TOPBP1: variants seen among roughly 807,000 people sequenced by gnomAD.
The protein encoded by TOPBP1 is DNA topoisomerase 2-binding protein 1.
In TOPBP1, 28 loss-of-function variants were observed where a neutral mutation model predicts 167.7. The observed-to-expected ratio is 0.17, with a 90% confidence interval of 0.12 to 0.23. TOPBP1 has a LOEUF of 0.23. TOPBP1 is among the 10% of genes least tolerant of loss of function. The probability of loss-of-function intolerance (pLI) is 1.00; values close to 1 mark genes in which losing one functional copy is unlikely to be tolerated. For synonymous variants in TOPBP1, 598 were observed against 611.4 expected, an observed-to-expected ratio of 0.98 and a Z score of 0.32; for missense variants, 1,554 against 1,809.6, an observed-to-expected ratio of 0.86 and a Z score of 2.56.
At chr3:133,602,214 C>G (rs892072070) in intron 27 of TOPBP1, among the ~76,000 whole-genome samples, 6 of 152,128 alleles carry the variant, frequency 3.9e-5, no homozygotes, top group Admixed American at 3.9e-4. Context: ...TCACTGATTT[C>G]TCAACAGAAA....
At chr3:133,631,626 T>C (rs1236931701) in intron 14 of TOPBP1, among the ~76,000 whole-genome samples, 1 of 152,124 alleles carries the variant, frequency 6.6e-6, no homozygotes, top group Non-Finnish European at 1.5e-5. Context: ...CCCCTTGCTG[T>C]TCTTGTGATA....
At chr3:133,637,296 T>C (rs763113523) in intron 14 of TOPBP1, among the ~76,000 whole-genome samples, 2 of 152,100 alleles carry the variant, frequency 1.3e-5, no homozygotes, top group Non-Finnish European at 2.9e-5. Flanking sequence ...AGAAAATTAT[T>C]TGGAAGATTA....
chr3:133,620,157 C>G lies in TOPBP1; in HGVS notation c.3369G>C (p.Leu1123=), dbSNP rs2107782994. 1 of 1,611,406 alleles carries G rather than the reference C, an allele frequency of 6.2e-7. No homozygotes were observed. The highest frequency in any genetic ancestry group is 8.5e-7 in the Non-Finnish European group (1 of 1,178,678). ...RSGRSRVLEA[L]RQSRQTVPDV... is the part of the protein sequence containing the mutation. ...TGCCATCAGTGACAGGTACACACCTCAGTGCCTCTAGGACTCTACTTCGTC... is the reference window on the plus strand; with the variant it reads ...TGCCATCAGTGACAGGTACACACCTGAGTGCCTCTAGGACTCTACTTCGTC... The change falls in exon 20 of 28, where the codon CTG becomes CTC. Residue 1123 remains leucine (L), a splice_region_variant and synonymous_variant. Coordinates refer to ENST00000260810, the MANE Select transcript of TOPBP1 (RefSeq NM_007027.4).
In TOPBP1 at chr3:133,617,186, G is replaced by T. The variant is rs201221333; in HGVS notation, c.3733C>A (p.Pro1245Thr). Reference protein sequence around the residue: ...PSIAFPLANPPVAPHPREKII... With the variant: ...PSIAFPLANPTVAPHPREKII... ...TTTTCTCTAGGGTGCGGAGCCACAG[G>T]GGGGTTGGCGAGTGGAAAGGCAATA... The change falls in exon 22 of 28, where the codon CCT (proline) becomes ACT (threonine). Residue 1245 changes from proline to threonine, a missense_variant. This residue lies in a region of TOPBP1 where 351 missense variants were observed against 432.9 expected (regional missense o/e 0.81). Transcript: ENST00000260810. 10 of 1,613,060 alleles carry T rather than the reference G, an allele frequency of 6.2e-6. No individual in the cohort carries two copies. Among genetic ancestry groups the T allele is most frequent in the African/African-American group, 4.0e-5 (3 of 74,844 alleles).
At chr3:133,608,125 A>G (rs1934550891) in intron 27 of TOPBP1, among the ~76,000 whole-genome samples, 1 of 152,182 alleles carries the variant, frequency 6.6e-6, no homozygotes, top group Non-Finnish European at 1.5e-5. Flanking sequence ...TAAGCCCACC[A>G]TATAGCAAAT....
At chr3:133,651,171 CTTTTTTTTTTTT>C (rs1176625452) in intron 8 of TOPBP1, among the ~76,000 whole-genome samples, 2 of 82,118 alleles carry the variant, frequency 2.4e-5, no homozygotes, top group African/African-American at 9.6e-5. Context: ...CCGAATTTCC[CTTTTTTTTTTTT>C]TTTTTTTTTT....
intron 7 of TOPBP1, 106 bp from the exon 8 acceptor site, chr3:133,652,735 C>A: frequency 2.2e-6 from 2 of 929,282 alleles, no homozygotes; most frequent in Non-Finnish European, 3.2e-6. Context: ...AAACAACTTC[C>A]AAAGTAAGAT....
At chr3:133,634,510 T>C (rs1935600323) in intron 14 of TOPBP1, among the ~76,000 whole-genome samples, 1 of 151,936 alleles carries the variant, frequency 6.6e-6, no homozygotes, top group Non-Finnish European at 1.5e-5. Flanking sequence ...AGCGAGACTC[T>C]GTCTTAAAAA....
chr3:133,629,847 C>T (rs1262392922), intron 14 of TOPBP1, among the ~76,000 whole-genome samples: 3 of 152,138 alleles, frequency 2.0e-5, no homozygotes, highest in Middle Eastern at 6.8e-3. Context: ...AGTACAATGG[C>T]GCGATCTCGG....
At chr3:133,658,250 T>C (rs1379487769) in intron 3 of TOPBP1, among the ~76,000 whole-genome samples, 1 of 152,162 alleles carries the variant, frequency 6.6e-6, no homozygotes, top group Non-Finnish European at 1.5e-5. Flanking sequence ...GTGGATCACC[T>C]GAGGTCAGGA....
intron 8 of TOPBP1, among the ~76,000 whole-genome samples, chr3:133,651,600 A>G (rs924241383): frequency 1.3e-5 from 2 of 152,232 alleles, no homozygotes; most frequent in African/African-American, 4.8e-5. Context: ...TTCCAATCTA[A>G]GACAGCGGAA....
intron 27 of TOPBP1, among the ~76,000 whole-genome samples, chr3:133,602,892 A>ATTT (rs11458236): frequency 2.3e-4 from 28 of 121,448 alleles, no homozygotes; most frequent in Admixed American, 1.5e-3. Flanking sequence ...ACCTTTTTTC[A>ATTT]TTTTTTTTTT....
Position 133,652,648 on chromosome 3 carries a change from T to C in TOPBP1, c.923-19A>G. The C allele has an allele frequency of 4.5e-6, 7 of 1,571,000 alleles. No individual in the cohort carries two copies. Among genetic ancestry groups the C allele is most frequent in the Non-Finnish European group, 6.0e-6 (7 of 1,159,044 alleles). ...GTACGACCTACATATTTTGAAAACG[T>C]ATAAATTTATGGGAGATAAAATAAT... On this transcript the variant is annotated intron_variant, in intron 7 of 27. Transcript: ENST00000260810.
At chr3:133,624,008 C>T in intron 17 of TOPBP1, 44 bp downstream of exon 17, 11 of 1,580,606 alleles carry the variant, frequency 7.0e-6, no homozygotes, top group Non-Finnish European at 9.5e-6. Flanking sequence ...TGTTTGTATA[C>T]ATTTTCAATT....
intron 25 of TOPBP1, among the ~76,000 whole-genome samples, chr3:133,609,786 T>C (rs1934612408): frequency 6.6e-6 from 1 of 152,200 alleles, no homozygotes; most frequent in Non-Finnish European, 1.5e-5. Flanking sequence ...TTAAACCTCT[T>C]TCCTTTATAA....
chr3:133,616,454 A>C (rs1934884174), intron 23 of TOPBP1, among the ~76,000 whole-genome samples: 1 of 152,142 alleles, frequency 6.6e-6, no homozygotes, highest in African/African-American at 2.4e-5. Context: ...ACAAACAAAC[A>C]AAAAAACAAG....
chr3:133,641,463 TCAAA>T (rs1474468790), intron 12 of TOPBP1, among the ~76,000 whole-genome samples: 1 of 152,200 alleles, frequency 6.6e-6, no homozygotes, highest in African/African-American at 2.4e-5. Context: ...CCTCCCAGGC[TCAAA>T]CAATCCTCCC....
chr3:133,618,813 GTTACT>G (rs903186982), intron 20 of TOPBP1, among the ~76,000 whole-genome samples: 7 of 151,946 alleles, frequency 4.6e-5, no homozygotes, highest in African/African-American at 1.5e-4. Context: ...AAACACTATG[GTTACT>G]TTACTTAACA....
At chr3:133,608,805 CTCA>C in intron 26 of TOPBP1, 65 bp downstream of exon 26, 2 of 1,563,912 alleles carry the variant, frequency 1.3e-6, no homozygotes, top group Non-Finnish European at 1.7e-6. Flanking sequence ...AAATGAAGAA[CTCA>C]TCATAGCAAT....
Sources: gnomAD v4.1 joint callset for allele counts (sites outside exome capture counted in the v4.1 genomes callset) on GRCh38, gnomAD v4.1.1 for gene constraint, gnomAD v4.1.1 regional missense constraint, MANE v1.5 for transcripts, NCBI Gene and HGNC (gene_info 2026-07-23, HGNC 2026-07-21) for gene names.